Variants in MAP3K15 observed in about 807,000 individuals in gnomAD.
MAP3K15 encodes the protein mitogen-activated protein kinase kinase kinase 15.
Under a neutral mutation model 99.5 loss-of-function variants are expected in MAP3K15, and 124 were observed. That is an observed-to-expected ratio of 1.25 (90% CI 1.08 to 1.45). The LOEUF is 1.45. Ranked by LOEUF, MAP3K15 falls within the 40% of genes most tolerant of loss-of-function variation. MAP3K15 has a pLI of 0.00. For missense variants in MAP3K15, 1,242 were observed against 1,079.7 expected (o/e 1.15, Z -2.11); for synonymous variants, 494 against 439.6 (o/e 1.12, Z -1.55).
intron 19 of MAP3K15, among the ~76,000 whole-genome samples, chrX:19,378,273 A>G (rs2063434862): frequency 1.8e-5 from 2 of 112,786 alleles, no homozygotes; most frequent in Non-Finnish European, 1.9e-5. Flanking sequence ...TGCTGTCTCA[A>G]GGCAGTGCCC....
intron 3 of MAP3K15, among the ~76,000 whole-genome samples, chrX:19,475,410 T>C (rs887849579): frequency 1.3e-4 from 14 of 110,941 alleles, no homozygotes; most frequent in Admixed American, 1.2e-3. Context: ...CCCGGTCGGG[T>C]GGCCCAGGGG....
At chrX:19,422,802 A>G (rs998103154) in intron 9 of MAP3K15, among the ~76,000 whole-genome samples, 2 of 111,811 alleles carry the variant, frequency 1.8e-5, no homozygotes, top group East Asian at 5.6e-4. Context: ...CGATAGACTG[A>G]ATTAAGAAAA....
At position 19,490,749 on chromosome X, in the gene MAP3K15, A is replaced by T. The variant is rs187533544; in HGVS notation, c.362-1782T>A. Among the ~76,000 whole-genome samples, 386 of 98,824 alleles carry T rather than the reference A, an allele frequency of 3.9e-3. 1 individual carries two copies. Among genetic ancestry groups the T allele is most frequent in the Admixed American group, 6.4e-3 (60 of 9,332 alleles). The allele number at this position is 98,824 out of a possible 115,157, so 85.8% of individuals were successfully genotyped here. On this transcript the variant is annotated intron_variant, in intron 1 of 28. Coordinates refer to ENST00000338883, the MANE Select transcript of MAP3K15 (RefSeq NM_001001671.4). Reference sequence around the variant, plus strand: ...AAGTGACAGAGTAAGACCTTGTCTCATAAACTAAAAAAAAAAAAAAAATAA... The same window carrying T: ...AAGTGACAGAGTAAGACCTTGTCTCTTAAACTAAAAAAAAAAAAAAAATAA...
At chrX:19,457,160 T>G in intron 5 of MAP3K15, 141 bp from the exon 6 acceptor site, 2 of 414,752 alleles carry the variant, frequency 4.8e-6, no homozygotes, top group Non-Finnish European at 8.5e-6. Context: ...AAGTTACTTG[T>G]AGCCTTTAAT....
chrX:19,374,811 CCCAA>C, intron 19 of MAP3K15, 151 bp from the exon 20 acceptor site: 1 of 473,825 alleles, frequency 2.1e-6, no homozygotes, highest in Non-Finnish European at 3.5e-6. Context: ...TTCCTCCCAC[CCCAA>C]GGTGGAGTCC....
intron 1 of MAP3K15, among the ~76,000 whole-genome samples, chrX:19,509,823 A>T (rs1391076015): frequency 9.0e-6 from 1 of 111,633 alleles, no homozygotes; most frequent in Non-Finnish European, 1.9e-5. Flanking sequence ...TTTTGAAAAG[A>T]TCAACAAAAT....
In MAP3K15 at chrX:19,431,569, G is replaced by A. The variant is rs1432508227; in HGVS notation, c.1035C>T (p.Ile345=). 8.3e-7 allele frequency: 1 copy of A among 1,199,724 alleles called. No homozygotes were observed. Among genetic ancestry groups the A allele is most frequent in the Non-Finnish European group, 1.1e-6 (1 of 894,791 alleles). ...CACAGCTCTGCAGAACCTGGAGCAT[G>A]ATCTGCAGAGCCTTCTCACGGTCAC... is the stretch of plus-strand genomic sequence containing the variant. The part of the protein sequence containing the change: ...STGDREKALQ[I]MLQVLQSCDH... The change falls in exon 7 of 29, where the codon ATC becomes ATT. Residue 345 remains isoleucine (I), a synonymous_variant. Coordinates refer to ENST00000338883, the MANE Select transcript of MAP3K15 (RefSeq NM_001001671.4).
At position 19,453,938 on chromosome X, in the gene MAP3K15, G is replaced by A. The variant is rs1262420053; in HGVS notation, c.995+2975C>T. ...GATGACGAGCTCACTCTGCCCTCTC[G>A]GCTGGGAAGCTCAGAGACTAAGGCT... is the stretch of plus-strand genomic sequence containing the variant. On this transcript the variant is annotated intron_variant, in intron 6 of 28. Transcript: ENST00000338883. Among the ~76,000 whole-genome samples the A allele has an allele frequency of 1.2e-4, 13 of 111,472 alleles. No homozygotes were observed. The Admixed American group carries it at 1.2e-3, about 11-fold the overall frequency.
At chrX:19,485,572 G>C (rs1446070965) in intron 3 of MAP3K15, among the ~76,000 whole-genome samples, 1 of 110,818 alleles carries the variant, frequency 9.0e-6, no homozygotes, top group Non-Finnish European at 1.9e-5. Flanking sequence ...GCTCTGTCAG[G>C]GTCCTGGGGA....
chrX:19,368,859 T>TTA (rs2063354349), intron 25 of MAP3K15, among the ~76,000 whole-genome samples, 195 bp downstream of exon 25: 1 of 110,053 alleles, frequency 9.1e-6, no homozygotes, highest in Admixed American at 9.7e-5. Flanking sequence ...TTTTTTTTTT[T>TTA]TAAAGGAAGG....
In MAP3K15 at chrX:19,371,345, G is replaced by A. The variant is rs140041575; in HGVS notation, c.3294C>T (p.Ala1098=). ...CCCTAGGGCCAGATGGAGCACTTAC[G>A]GCATCCTGAAATCCGAACAGCACCA... The part of the protein sequence containing the change: ...IHLVLFGFQD[A]VNKILRNHLI... The change falls in exon 23 of 29, where the codon GCC becomes GCT. Residue 1098 remains alanine (A), a splice_region_variant and synonymous_variant. Coordinates refer to ENST00000338883, the MANE Select transcript of MAP3K15 (RefSeq NM_001001671.4). 1.1e-4 allele frequency: 127 copies of A among 1,201,132 alleles called. No individual in the cohort carries two copies. Among genetic ancestry groups the A allele is most frequent in the East Asian group, 9.2e-4 (31 of 33,524 alleles).
intron 6 of MAP3K15, among the ~76,000 whole-genome samples, chrX:19,437,505 T>A (rs2063930226): frequency 9.0e-6 from 1 of 111,682 alleles, no homozygotes; most frequent in Admixed American, 9.6e-5. Context: ...CCTGAAATGA[T>A]CTTCCCCCAC....
At chrX:19,482,369 T>G (rs1053033085) in intron 3 of MAP3K15, 1 of 111,422 alleles carries the variant, frequency 9.0e-6, no homozygotes, top group Non-Finnish European at 1.9e-5. Context: ...GGATAAAATG[T>G]GGAATATCTA....
intron 1 of MAP3K15, among the ~76,000 whole-genome samples, chrX:19,513,859 A>G (rs1001515314): frequency 2.7e-5 from 3 of 110,611 alleles, no homozygotes; most frequent in African/African-American, 9.9e-5. Context: ...GTCAAGCAAC[A>G]ATTCATTCCA....
intron 25 of MAP3K15, among the ~76,000 whole-genome samples, chrX:19,366,248 AG>A (rs1442303282): frequency 2.7e-5 from 3 of 110,985 alleles, no homozygotes; most frequent in Non-Finnish European, 5.7e-5. Flanking sequence ...TCTCTCTAGT[AG>A]TCCTCCTTTT....
chrX:19,445,233 G>C (rs2063986816), intron 6 of MAP3K15, among the ~76,000 whole-genome samples: 1 of 109,951 alleles, frequency 9.1e-6, no homozygotes, highest in Non-Finnish European at 1.9e-5. Context: ...GTATCTCAGG[G>C]GCTGTTTTGG....
Position 19,374,510 on chromosome X carries a change from C to G in MAP3K15, c.2740G>C (p.Gly914Arg). ...TTGAAGGCAATTCGGTTCTTCTTGC[C>G]CTTGTTCACCTGCCTTAAGAAACCC... ...REGFLRQVNK[G>R]KKNRIAFKPS... Residue 914 changes from glycine to arginine, a missense_variant, in exon 20 of 29, where the codon GGC becomes CGC. By Grantham distance (125) the Gly-to-Arg change is moderately radical. Transcript: ENST00000338883. The G allele has an allele frequency of 8.3e-7, 1 of 1,211,153 alleles. No individual in the cohort carries two copies. The highest frequency in any genetic ancestry group is 1.1e-6 in the Non-Finnish European group (1 of 895,289).
chrX:19,409,924 C>T lies in MAP3K15; in HGVS notation c.1748G>A (p.Ser583Asn). 2 of 1,193,215 alleles carry T rather than the reference C, an allele frequency of 1.7e-6. No individual in the cohort carries two copies. Among genetic ancestry groups the T allele is most frequent in the South Asian group, 3.6e-5 (2 of 55,988 alleles). ...ACTCCATTTTCTCCTATGTTCTTACCTTATTCCCTTTATGGAAGAGGCTGT... is the reference window on the plus strand; with the variant it reads ...ACTCCATTTTCTCCTATGTTCTTACTTTATTCCCTTTATGGAAGAGGCTGT... ...NFTASSIKGI[S>N]LSKFDERCCF... Residue 583 changes from serine (S) to asparagine (N), a missense_variant and splice_region_variant, in exon 12 of 29, where the codon AGC becomes AAC. Ser to Asn is a conservative substitution (Grantham distance 46). Coordinates refer to ENST00000338883, the MANE Select transcript of MAP3K15 (RefSeq NM_001001671.4).
intron 18 of MAP3K15, among the ~76,000 whole-genome samples, chrX:19,388,753 C>T (rs1028774337): frequency 8.9e-6 from 1 of 111,933 alleles, no homozygotes; most frequent in African/African-American, 3.2e-5. Flanking sequence ...TGCAGCCAGA[C>T]GAGAACAGAC....
Sources: allele counts gnomAD v4.1 joint callset (sites outside exome capture counted in the v4.1 genomes callset), GRCh38; gene constraint gnomAD v4.1.1; transcripts MANE v1.5; gene names NCBI Gene and HGNC (gene_info 2026-07-23, HGNC 2026-07-21).